Variants in SETD7 observed in about 807,000 individuals in gnomAD.
SETD7 encodes the protein SET domain containing 7, histone lysine methyltransferase.
Under a neutral mutation model 41.8 loss-of-function variants are expected in SETD7, and 16 were observed. The observed-to-expected ratio is 0.38, with a 90% confidence interval of 0.26 to 0.58. The LOEUF is 0.58. Ranked by LOEUF, SETD7 falls within the 20% of genes least tolerant of loss-of-function variation. The probability of loss-of-function intolerance (pLI) is 0.64; values close to 1 mark genes in which losing one functional copy is unlikely to be tolerated. For synonymous variants in SETD7, 163 were observed against 169.7 expected (o/e 0.96, Z 0.31); for missense variants, 346 against 459.7 (o/e 0.75, Z 2.26).
intron 7 of SETD7, 99 bp downstream of exon 7, chr4:139,517,786 G>A (rs1727068505): frequency 1.5e-6 from 2 of 1,296,774 alleles, no homozygotes; most frequent in Admixed American, 2.3e-5. Flanking sequence ...TTCAGATGAA[G>A]CAGCCTTTAT....
intron 2 of SETD7, among the ~76,000 whole-genome samples, chr4:139,545,395 G>A (rs1329570304): frequency 6.6e-6 from 1 of 152,054 alleles, no homozygotes; most frequent in Non-Finnish European, 1.5e-5. Flanking sequence ...CCAAAGTGCT[G>A]GGATTACAGA....
chr4:139,536,015 A>G (rs537505993), intron 2 of SETD7, among the ~76,000 whole-genome samples: 7 of 152,272 alleles, frequency 4.6e-5, no homozygotes, highest in African/African-American at 1.4e-4. Context: ...GCTTTTGTAA[A>G]TAAAGTTTTA....
Position 139,511,606 on chromosome 4 carries a change from C to G in SETD7, c.*57G>C. ...CCTGGTTGTCCCATTGTCAGATAAA[C>G]GTAGTGCATAGATCCAAGTTTCTAT... On this transcript the variant is annotated 3_prime_UTR_variant, in exon 8 of 8. Transcript: ENST00000274031. The G allele has an allele frequency of 6.2e-7, 1 of 1,607,958 alleles. No homozygotes were observed. Among genetic ancestry groups the G allele is most frequent in the Non-Finnish European group, 8.5e-7 (1 of 1,178,716 alleles).
At chr4:139,495,519 G>A (rs559924753), downstream of SETD7, among the ~76,000 whole-genome samples, 5 of 152,256 alleles carry the variant, frequency 3.3e-5, no homozygotes, top group East Asian at 3.9e-4. Context: ...TTACAATCAC[G>A]GCAAAAGGCA....
Position 139,555,743 on chromosome 4 carries a change from C to A in SETD7, c.40+355G>T, listed in dbSNP as rs940866895. On this transcript the variant is annotated intron_variant, in intron 1 of 7. Coordinates refer to ENST00000274031, the MANE Select transcript of SETD7 (RefSeq NM_030648.4). This position sits in a 1 kb window ranked among gnomAD's most constrained non-coding sequence, Gnocchi z 4.0. The stretch of plus-strand genomic sequence containing the variant: ...GAGTCCGCCGGCCTCAAGGGGCTGC[C>A]CTGCGGAGTGCACCCACCCTCCGCG... 6.6e-6 allele frequency among the ~76,000 whole-genome samples: 1 copy of A among 152,134 alleles called. No homozygotes were observed. The highest frequency in any genetic ancestry group is 2.4e-5 in the African/African-American group (1 of 41,460).
intron 5 of SETD7, among the ~76,000 whole-genome samples, chr4:139,522,929 T>A (rs1727223762): frequency 6.6e-6 from 1 of 151,900 alleles, no homozygotes; most frequent in Non-Finnish European, 1.5e-5. Flanking sequence ...AATTTTTGTA[T>A]TTTTAGTAGA....
intron 6 of SETD7, 111 bp from the exon 7 acceptor site, chr4:139,518,153 G>A: frequency 1.7e-6 from 2 of 1,181,488 alleles, no homozygotes; most frequent in South Asian, 1.8e-5. Flanking sequence ...TTTGAGACAG[G>A]GTCTCACTCT....
Position 139,555,178 on chromosome 4 carries a change from CT to C in SETD7, c.40+919del, listed in dbSNP as rs1560695999. Among the ~76,000 whole-genome samples, 79 of 70,558 alleles carry C rather than the reference CT, an allele frequency of 1.1e-3. No individual in the cohort carries two copies. Among genetic ancestry groups the C allele is most frequent in the African/African-American group, 4.6e-3 (62 of 13,592 alleles). The allele number at this position is 70,558 out of a possible 152,430, so 46.3% of individuals were successfully genotyped here. A position where few individuals can be genotyped will look rare whatever the true frequency, so the allele number is the denominator to read the frequency against. ...ACGTCCCCACATCGTTTTTTCAGAA[CT>C]AACAAAAAAAAAAAAAAAAAGGTGG... On this transcript the variant is annotated intron_variant, in intron 1 of 7. Transcript: ENST00000274031. This position sits in a 1 kb window ranked among gnomAD's most constrained non-coding sequence, Gnocchi z 4.0.
At chr4:139,516,354 T>C (rs1727024250) in intron 7 of SETD7, among the ~76,000 whole-genome samples, 1 of 150,554 alleles carries the variant, frequency 6.6e-6, no homozygotes, top group Non-Finnish European at 1.5e-5. Context: ...TAATCCCAGC[T>C]ATTCGGGAGG....
intron 7 of SETD7, among the ~76,000 whole-genome samples, chr4:139,499,325 T>C (rs912173664): frequency 3.9e-5 from 6 of 152,212 alleles, no homozygotes; most frequent in Non-Finnish European, 8.8e-5. Context: ...GTTAGAATTA[T>C]GGTAGAGGCT....
intron 5 of SETD7, among the ~76,000 whole-genome samples, chr4:139,522,144 G>C (rs1020180804): frequency 6.6e-6 from 1 of 152,210 alleles, no homozygotes; most frequent in Admixed American, 6.5e-5. Flanking sequence ...AACTGGGCCA[G>C]AGCCTCATGT....
intron 3 of SETD7, among the ~76,000 whole-genome samples, chr4:139,529,435 A>G (rs1225932100): frequency 6.6e-6 from 1 of 152,166 alleles, no homozygotes; most frequent in Non-Finnish European, 1.5e-5. Context: ...AGTCATACGC[A>G]TTTGGGGCAT....
intron 2 of SETD7, among the ~76,000 whole-genome samples, chr4:139,540,184 C>T (rs1011494819): frequency 5.3e-5 from 8 of 152,172 alleles, no homozygotes; most frequent in African/African-American, 9.7e-5. Context: ...GTATAATTAT[C>T]TCCGTTTTAC....
At chr4:139,503,165 G>C (rs1726619905), downstream of SETD7, among the ~76,000 whole-genome samples, 1 of 121,950 alleles carries the variant, frequency 8.2e-6, no homozygotes, top group Non-Finnish European at 1.6e-5. Flanking sequence ...GCGACAGAGT[G>C]AGACTCTGTC....
At chr4:139,505,605 G>A (rs532891599), downstream of SETD7, among the ~76,000 whole-genome samples, 57 of 151,842 alleles carry the variant, frequency 3.8e-4, no homozygotes, top group African/African-American at 1.3e-3. Context: ...AAAAAAAAAC[G>A]GAAATGTTGA....
At chr4:139,526,482 C>T (rs919416434) in intron 4 of SETD7, among the ~76,000 whole-genome samples, 1 of 148,384 alleles carries the variant, frequency 6.7e-6, no homozygotes, top group Non-Finnish European at 1.5e-5. Context: ...CAGGATCTTA[C>T]CATGCTGCCT....
intron 4 of SETD7, among the ~76,000 whole-genome samples, chr4:139,524,895 C>A (rs925393128): frequency 6.6e-6 from 1 of 152,164 alleles, no homozygotes; most frequent in African/African-American, 2.4e-5. Flanking sequence ...CAGCTCACTG[C>A]AACCTCTGCC....
chr4:139,535,111 T>G (rs1727602066), intron 2 of SETD7, among the ~76,000 whole-genome samples: 1 of 152,112 alleles, frequency 6.6e-6, no homozygotes, highest in South Asian at 2.1e-4. Context: ...GAGATTCAAC[T>G]GTCATTAGAC....
chr4:139,541,022 C>A (rs1727764081), intron 2 of SETD7, among the ~76,000 whole-genome samples: 2 of 152,124 alleles, frequency 1.3e-5, no homozygotes, highest in Non-Finnish European at 2.9e-5. Flanking sequence ...TTACACGGAG[C>A]CCTTTTGGCA....
Sources: gnomAD v4.1 joint callset for allele counts (sites outside exome capture counted in the v4.1 genomes callset) on GRCh38, gnomAD v4.1.1 for gene constraint, Gnocchi (gnomAD v3.1) non-coding constraint, MANE v1.5 for transcripts, NCBI Gene and HGNC (gene_info 2026-07-23, HGNC 2026-07-21) for gene names.